Variants in TSPAN3 observed in about 807,000 individuals in gnomAD.
TSPAN3 encodes tetraspanin 3, also known as tetraspanin-3.
Under a neutral mutation model 31.1 loss-of-function variants are expected in TSPAN3, and 9 were observed. The ratio of observed to expected loss-of-function variants is 0.29; its 90% CI spans 0.17 to 0.50. The LOEUF (loss-of-function observed/expected upper bound fraction) is 0.50, where lower values mean the gene tolerates loss of function less well. Among genes scored for constraint, TSPAN3 ranks in the 20% least tolerant of loss-of-function variants. The pLI, the probability that TSPAN3 is intolerant of heterozygous loss-of-function variation, is 0.98. For synonymous variants in TSPAN3, 129 were observed against 114.3 expected (o/e 1.13, Z -0.82); for missense variants, 252 against 313.5 (o/e 0.80, Z 1.48).
chr15:77,065,708 A>G (rs569724283), intron 1 of TSPAN3, among the ~76,000 whole-genome samples: 1 of 152,192 alleles, frequency 6.6e-6, no homozygotes, highest in South Asian at 2.1e-4. Context: ...CACCTGGCTG[A>G]TAAGTTTTAT....
intron 3 of TSPAN3, 181 bp from the exon 4 acceptor site, chr15:77,054,460 G>A: frequency 4.3e-6 from 2 of 459,922 alleles, no homozygotes; most frequent in Non-Finnish European, 7.9e-6. Flanking sequence ...GCAGGAGGGA[G>A]AAAAGTGACA....
chr15:77,052,725 G>C, intron 5 of TSPAN3, 52 bp downstream of exon 5: 2 of 1,586,724 alleles, frequency 1.3e-6, no homozygotes, highest in Non-Finnish European at 1.7e-6. Flanking sequence ...GATAAGACAT[G>C]GTGAAAAACA....
intron 1 of TSPAN3, chr15:77,068,086 T>A (rs965208632): frequency 6.6e-6 from 1 of 152,238 alleles, no homozygotes; most frequent in Non-Finnish European, 1.5e-5. Flanking sequence ...GTAACTCAAA[T>A]GTTAGTTGCC....
intron 3 of TSPAN3, 179 bp from the exon 4 acceptor site, chr15:77,054,458 G>A (rs962962006): frequency 2.2e-6 from 1 of 461,066 alleles, no homozygotes; most frequent in Non-Finnish European, 4.0e-6. Flanking sequence ...AGGCAGGAGG[G>A]AGAAAAGTGA....
intron 1 of TSPAN3, among the ~76,000 whole-genome samples, chr15:77,059,348 C>G (rs543673622): frequency 6.6e-6 from 1 of 152,344 alleles, no homozygotes; most frequent in East Asian, 1.9e-4. Flanking sequence ...TCCCAAAGTG[C>G]TGGGATTACA....
intron 1 of TSPAN3, chr15:77,068,202 T>C (rs1396382485): frequency 6.6e-6 from 1 of 152,188 alleles, no homozygotes; most frequent in Non-Finnish European, 1.5e-5. Flanking sequence ...CTGTGACACA[T>C]TTGCCCCCAG....
intron 1 of TSPAN3, among the ~76,000 whole-genome samples, chr15:77,060,005 A>G (rs1568543738): frequency 6.6e-6 from 1 of 152,196 alleles, no homozygotes. Flanking sequence ...AGCAACAGAG[A>G]CAACCAGATG....
chr15:77,054,139 A>C (rs370865112), intron 4 of TSPAN3, 39 bp downstream of exon 4: 4 of 1,430,882 alleles, frequency 2.8e-6, no homozygotes, highest in South Asian at 1.1e-5. Context: ...CCCAATCGTG[A>C]TTGGTCCTCA....
rs920485902 is a variant in TSPAN3 at position 77,043,883 on chromosome 15, TGGAGGCAGCA to T, written c.*2942_*2951del. 2.0e-5 allele frequency: 3 copies of T among 152,032 alleles called. No homozygotes were observed. The highest frequency in any genetic ancestry group is 7.3e-5 in the African/African-American group (3 of 41,294). 9.4% of individuals were successfully genotyped at this position (152,032 alleles called of 1,614,324 possible). ...TAGGGGTAAAAGGCCATGACAGGTG[TGGAGGCAGCA>T]GGAGGGAGGGAGAGGGAGAGACAGG... On this transcript the variant is annotated 3_prime_UTR_variant, in exon 7 of 7. Transcript: ENST00000267970.
chr15:77,061,076 C>A (rs779727276), intron 1 of TSPAN3, among the ~76,000 whole-genome samples: 2 of 152,122 alleles, frequency 1.3e-5, no homozygotes, highest in African/African-American at 2.4e-5. Context: ...AAGTATGATA[C>A]TTCATTTTAT....
intron 4 of TSPAN3, 107 bp from the exon 5 acceptor site, chr15:77,053,036 A>G: frequency 9.2e-7 from 1 of 1,091,718 alleles, no homozygotes; most frequent in South Asian, 1.7e-5. Context: ...GATGTCCGAT[A>G]CAACTTTCTA....
intron 6 of TSPAN3, among the ~76,000 whole-genome samples, chr15:77,048,120 T>C (rs2076706342): frequency 6.6e-6 from 1 of 152,210 alleles, no homozygotes; most frequent in Non-Finnish European, 1.5e-5. Flanking sequence ...ATTTCACCAT[T>C]TGCAAAGCAC....
chr15:77,043,755 A>T lies in TSPAN3; in HGVS notation c.*3080T>A, dbSNP rs1291375826. 1 of 152,252 alleles carries T rather than the reference A, an allele frequency of 6.6e-6. No individual in the cohort carries two copies. Among genetic ancestry groups the T allele is most frequent in the African/African-American group, 2.4e-5 (1 of 41,452 alleles). 9.4% of individuals were successfully genotyped at this position (152,252 alleles called of 1,614,324 possible). On this transcript the variant is annotated 3_prime_UTR_variant, in exon 7 of 7. Transcript: ENST00000267970. ...AGGACACGATGCGGCCAATGGGAAT[A>T]TGAGTGGTGAGGTATTCTATCAGTG...
chr15:77,070,320 T>C (rs912516440), intron 1 of TSPAN3, among the ~76,000 whole-genome samples: 8 of 152,206 alleles, frequency 5.3e-5, no homozygotes, highest in Non-Finnish European at 1.0e-4. Context: ...TCTTGGTCAA[T>C]GGATTATTTG....
At chr15:77,066,417 C>A (rs1487064239) in intron 1 of TSPAN3, among the ~76,000 whole-genome samples, 1 of 151,564 alleles carries the variant, frequency 6.6e-6, no homozygotes, top group South Asian at 2.1e-4. Flanking sequence ...TAAAAAAATA[C>A]GAAAATTAGC....
At chr15:77,056,349 T>A in intron 1 of TSPAN3, 94 bp from the exon 2 acceptor site, 1 of 975,664 alleles carries the variant, frequency 1.0e-6, no homozygotes, top group Non-Finnish European at 1.5e-6. Context: ...AGAGTTACCG[T>A]AACTGTTATA....
chr15:77,057,014 A>G (rs1297392192), intron 1 of TSPAN3, among the ~76,000 whole-genome samples: 1 of 152,216 alleles, frequency 6.6e-6, no homozygotes, highest in Non-Finnish European at 1.5e-5. Context: ...GCGCACTCTG[A>G]GTAACAAGGT....
intron 1 of TSPAN3, among the ~76,000 whole-genome samples, chr15:77,057,470 C>T (rs2076775235): frequency 6.6e-6 from 1 of 152,116 alleles, no homozygotes; most frequent in African/African-American, 2.4e-5. Flanking sequence ...TTTTTTTACA[C>T]TAGGCCATTA....
chr15:77,064,493 T>C (rs1467067838), intron 1 of TSPAN3: 1 of 152,210 alleles, frequency 6.6e-6, no homozygotes, highest in Non-Finnish European at 1.5e-5. Context: ...CATTAAATTA[T>C]TTCAAAGCAT....
Sources: gnomAD v4.1 joint callset for allele counts (sites outside exome capture counted in the v4.1 genomes callset) on GRCh38, gnomAD v4.1.1 for gene constraint, MANE v1.5 for transcripts, NCBI Gene and HGNC (gene_info 2026-07-23, HGNC 2026-07-21) for gene names.